The following PCDHA4 variants were observed in gnomAD, a reference collection of about 807,000 sequenced individuals.
The protein encoded by PCDHA4 is protocadherin alpha 4, also known as protocadherin alpha-4.
In PCDHA4, 49 loss-of-function variants were observed where a neutral mutation model predicts 61.4. The observed-to-expected ratio is 0.80, with a 90% confidence interval of 0.63 to 1.01. PCDHA4 has a LOEUF of 1.01. Among genes scored for constraint, PCDHA4 ranks in the 50% least tolerant of loss-of-function variants. The pLI is 0.00. For synonymous variants in PCDHA4, 590 were observed against 550.3 expected, an observed-to-expected ratio of 1.07 and a Z score of -1.01; for missense variants, 1,254 against 1,235.8, an observed-to-expected ratio of 1.01 and a Z score of -0.22.
chr5:140,863,356 CGGT>C, intron 1 of PCDHA4: 1 of 1,255,142 alleles, frequency 8.0e-7, no homozygotes, highest in Non-Finnish European at 1.1e-6. Flanking sequence ...CACGACGCTG[CGGT>C]GCTTGGCGCA....
intron 3 of PCDHA4, among the ~76,000 whole-genome samples, chr5:140,985,773 T>C (rs945442566): frequency 7.2e-6 from 1 of 138,872 alleles, no homozygotes; most frequent in South Asian, 2.4e-4. Context: ...ACAGTCTCGC[T>C]CTGTCGCCCA....
chr5:140,894,778 T>C (rs1477645245), intron 1 of PCDHA4, among the ~76,000 whole-genome samples: 1 of 152,140 alleles, frequency 6.6e-6, no homozygotes, highest in Non-Finnish European at 1.5e-5. Flanking sequence ...TTTAGTGTAA[T>C]TATTTGTCCT....
chr5:140,834,178 C>T (rs1772830464), intron 1 of PCDHA4: 2 of 557,246 alleles, frequency 3.6e-6, no homozygotes, highest in Admixed American at 3.3e-5. Flanking sequence ...ACATGATGGC[C>T]ACATGATGTC....
At chr5:140,928,208 A>AT (rs1436614514) in intron 1 of PCDHA4, 2 of 1,614,110 alleles carry the variant, frequency 1.2e-6, no homozygotes, top group Non-Finnish European at 1.7e-6. Flanking sequence ...GCTGATGTGA[A>AT]TGACAATACA....
rs782270666 is a variant in PCDHA4, at chr5:140,884,372, A to G, written c.2385+74800A>G. ...GGTGGATGTCAATGTTTACTTGATC[A>G]TTGCCATCTGCGCGGTGTCCAGCCT... On this transcript the variant is annotated intron_variant, in intron 1 of 3. Coordinates refer to ENST00000530339, the MANE Select transcript of PCDHA4 (RefSeq NM_018907.4). 6 of 1,613,806 alleles carry G rather than the reference A, an allele frequency of 3.7e-6. No homozygotes were observed. Among genetic ancestry groups the G allele is most frequent in the Non-Finnish European group, 5.1e-6 (6 of 1,179,874 alleles).
chr5:140,841,368 T>C (rs2150314322), intron 1 of PCDHA4: 15 of 1,613,308 alleles, frequency 9.3e-6, no homozygotes, highest in Non-Finnish European at 1.3e-5. Flanking sequence ...CGACTACTAC[T>C]CTTGCTTCTG....
chr5:140,982,741 T>C (rs2097000256), intron 3 of PCDHA4, among the ~76,000 whole-genome samples, 178 bp downstream of exon 3: 1 of 152,164 alleles, frequency 6.6e-6, no homozygotes, highest in Admixed American at 6.6e-5. Flanking sequence ...TACCTAATGC[T>C]CTTCAGGAGT....
chr5:140,928,731 C>T, intron 1 of PCDHA4: 2 of 1,614,164 alleles, frequency 1.2e-6, no homozygotes, highest in Non-Finnish European at 1.7e-6. Context: ...GAATTTCAGC[C>T]AATATAGGTG....
intron 1 of PCDHA4, chr5:140,852,936 T>A: frequency 1.7e-6 from 1 of 599,096 alleles, no homozygotes; most frequent in Non-Finnish European, 2.2e-6. Flanking sequence ...TGGAGTGCAG[T>A]GGTGCCATCT....
intron 3 of PCDHA4, among the ~76,000 whole-genome samples, chr5:140,998,588 G>A (rs1315091552): frequency 6.7e-6 from 1 of 148,536 alleles, no homozygotes; most frequent in African/African-American, 2.5e-5. Context: ...TTTTGAGACA[G>A]AGTTTTGCTC....
At chr5:140,819,626 A>G in intron 1 of PCDHA4, among the ~76,000 whole-genome samples, 1 of 152,114 alleles carries the variant, frequency 6.6e-6, no homozygotes, top group East Asian at 1.9e-4. Context: ...TTCAGATTGG[A>G]TAATCTATAG....
intron 1 of PCDHA4, chr5:140,870,201 G>T: frequency 6.2e-7 from 1 of 1,614,140 alleles, no homozygotes; most frequent in South Asian, 1.1e-5. Flanking sequence ...AGCCCAGCAC[G>T]GTCATTGCCC....
At chr5:140,821,687 TAA>T in intron 1 of PCDHA4, 1 of 1,378,436 alleles carries the variant, frequency 7.3e-7, no homozygotes, top group Non-Finnish European at 9.9e-7. Flanking sequence ...GGCGATAATA[TAA>T]AAAATATATA....
intron 1 of PCDHA4, chr5:140,834,491 C>T (rs2150219703): frequency 1.2e-6 from 2 of 1,614,110 alleles, no homozygotes; most frequent in South Asian, 1.1e-5. Context: ...ACTCGGTCCC[C>T]GAGGAGGCTA....
intron 3 of PCDHA4, among the ~76,000 whole-genome samples, chr5:141,000,764 A>G (rs1371396511): frequency 2.0e-5 from 3 of 151,808 alleles, no homozygotes; most frequent in Non-Finnish European, 4.4e-5. Context: ...AATCTTAGCC[A>G]GGCATAGTGG....
intron 1 of PCDHA4, among the ~76,000 whole-genome samples, chr5:140,886,770 G>A (rs1554182701): frequency 6.8e-6 from 1 of 146,884 alleles, no homozygotes; most frequent in Non-Finnish European, 1.5e-5. Context: ...AGGTTGCAGT[G>A]AGATGAGATC....
intron 1 of PCDHA4, chr5:140,828,487 G>A: frequency 6.2e-7 from 1 of 1,614,226 alleles, no homozygotes; most frequent in Non-Finnish European, 8.5e-7. Flanking sequence ...ACCCGCCCTT[G>A]TTCCCGGTAG....
chr5:140,929,698 G>A (rs2086308201), intron 1 of PCDHA4: 1 of 263,620 alleles, frequency 3.8e-6, no homozygotes, highest in Non-Finnish European at 7.5e-6. Flanking sequence ...TGCTTTATAT[G>A]AATATAATAT....
In PCDHA4 at chr5:140,809,248, G is replaced by A; in HGVS notation, c.2061G>A (p.Val687=). Residue 687 remains valine, a synonymous_variant, in exon 1 of 4, where the codon GTG becomes GTA. Transcript: ENST00000530339. ...KASSRALVGA[V]GPDAALVDVN... ...CCTCACGGGCGTTGGTGGGCGCTGT[G>A]GGTCCCGATGCTGCGCTGGTGGATG... 6.2e-7 allele frequency: 1 copy of A among 1,614,068 alleles called. No individual in the cohort carries two copies. The highest frequency in any genetic ancestry group is 8.5e-7 in the Non-Finnish European group (1 of 1,179,952).
Sources: allele counts gnomAD v4.1 joint callset (sites outside exome capture counted in the v4.1 genomes callset), GRCh38; gene constraint gnomAD v4.1.1; transcripts MANE v1.5; gene names NCBI Gene and HGNC (gene_info 2026-07-23, HGNC 2026-07-21).